Variants in ITGAX observed in about 807,000 individuals in gnomAD.
ITGAX encodes the protein integrin alpha-X.
Under a neutral mutation model 140.2 loss-of-function variants are expected in ITGAX, and 99 were observed. That is an observed-to-expected ratio of 0.71 (90% confidence interval 0.60 to 0.83). The LOEUF is 0.83. Among genes scored for constraint, ITGAX ranks in the 40% least tolerant of loss-of-function variants. The pLI is 0.00. For synonymous variants in ITGAX, 631 were observed against 600.4 expected (o/e 1.05, Z -0.75); for missense variants, 1,444 against 1,482.0 (o/e 0.97, Z 0.42).
At chr16:31,361,345 G>A in intron 9 of ITGAX, 132 bp downstream of exon 9, 4 of 1,056,678 alleles carry the variant, frequency 3.8e-6, no homozygotes, top group African/African-American at 1.6e-5. Context: ...CGATAGCCAT[G>A]TCTGTCAGCT....
chr16:31,367,157 T>C (rs930302067), intron 14 of ITGAX, among the ~76,000 whole-genome samples: 1 of 151,950 alleles, frequency 6.6e-6, no homozygotes, highest in African/African-American at 2.4e-5. Flanking sequence ...AGAAGAAAAA[T>C]TGGAAGTCAG....
chr16:31,368,014 G>T (rs1246506243), intron 14 of ITGAX, among the ~76,000 whole-genome samples: 14 of 152,162 alleles, frequency 9.2e-5, no homozygotes. Flanking sequence ...AGTGGCTCAA[G>T]GCTTCAGGGG....
chr16:31,380,317 A>G lies in ITGAX; in HGVS notation c.3112A>G (p.Ser1038Gly). ...LRFRCDVPSF[S>G]VQEELDFTLK... is the part of the protein sequence containing the mutation. ...GTTCCGCTGTGACGTCCCCTCCTTC[A>G]GCGTCCAGGAGGAGCTGGATTTCAC... The change falls in exon 27 of 30, where the codon AGC becomes GGC. Residue 1038 changes from serine to glycine, a missense_variant. Coordinates refer to ENST00000268296, the MANE Select transcript of ITGAX (RefSeq NM_000887.5). The G allele has an allele frequency of 1.2e-6, 2 of 1,614,190 alleles. No individual in the cohort carries two copies. Among genetic ancestry groups the G allele is most frequent in the East Asian group, 2.2e-5 (1 of 44,884 alleles).
intron 5 of ITGAX, chr16:31,357,692 T>C (rs928086858): frequency 6.9e-6 from 3 of 433,014 alleles, no homozygotes; most frequent in African/African-American, 2.0e-5. Flanking sequence ...GACAGCCCCA[T>C]GAAGGCCAGC....
At position 31,377,881 on chromosome 16, in the gene ITGAX, C is replaced by A. The variant is rs547361935; in HGVS notation, c.2789+616C>A. 7.2e-5 allele frequency among the ~76,000 whole-genome samples: 11 copies of A among 152,314 alleles called. No individual in the cohort carries two copies. In the South Asian group the frequency reaches 2.3e-3, roughly 32 times the overall value. On this transcript the variant is annotated intron_variant, in intron 23 of 29. Transcript: ENST00000268296. ...GGAGGATTGCTTGAGGCCAGGAGTT[C>A]AGGATCAGCCTGGGCAATATAGTGA...
At chr16:31,381,755 C>T (rs779089190) in intron 29 of ITGAX, 48 bp from the exon 30 acceptor site, 1 of 865,790 alleles carries the variant, frequency 1.2e-6, no homozygotes, top group Non-Finnish European at 2.0e-6. Context: ...CTTTTCCTCT[C>T]TTCCACTGAA....
Position 31,362,666 on chromosome 16 carries a change from C to T in ITGAX, c.1272C>T (p.Ala424=). 1.9e-6 allele frequency: 3 copies of T among 1,613,656 alleles called. No individual in the cohort carries two copies. The highest frequency in any genetic ancestry group is 3.4e-4 in the Middle Eastern group (2 of 5,930). The part of the protein sequence containing the change: ...WKGVQSLVLG[A]PRYQHTGKAV... ...GGGTGCAGAGCCTGGTCCTGGGGGC[C>T]CCCCGCTACCAGCACACCGGGAAGG... is the stretch of plus-strand genomic sequence containing the variant. The change falls in exon 12 of 30, where the codon GCC becomes GCT. Residue 424 remains alanine, a synonymous_variant. Transcript: ENST00000268296.
chr16:31,363,440 T>G, intron 14 of ITGAX, 66 bp downstream of exon 14: 2 of 1,557,338 alleles, frequency 1.3e-6, no homozygotes, highest in Non-Finnish European at 8.9e-7. Context: ...TCTGTCATAC[T>G]GGAAAACTGT....
rs181404376 is a variant in ITGAX at position 31,380,040 on chromosome 16, C to T, written c.3035C>T (p.Ala1012Val). The stretch of plus-strand genomic sequence containing the variant: ...GCACCCCCAGCATCTGACTTCCTGG[C>T]GCACATTCAGAAGAATCCCGTGCTG... ...KIAPPASDFL[A>V]HIQKNPVLDC... The change falls in exon 26 of 30, where the codon GCG becomes GTG. Residue 1012 changes from alanine to valine, a missense_variant. Transcript: ENST00000268296. 257 of 1,614,166 alleles carry T rather than the reference C, an allele frequency of 1.6e-4. 1 individual carries two copies. In the Admixed American group the frequency reaches 2.2e-3, roughly 14 times the overall value.
chr16:31,377,389 G>A (rs2081030677), intron 23 of ITGAX, 124 bp downstream of exon 23: 1 of 748,100 alleles, frequency 1.3e-6, no homozygotes, highest in Non-Finnish European at 2.2e-6. Context: ...AAAAGGTCAG[G>A]TGTTTCAGCA....
In ITGAX at chr16:31,359,794, A is replaced by G. The variant is rs552168067; in HGVS notation, c.525A>G (p.Arg175=). 1.2e-6 allele frequency: 2 copies of G among 1,614,124 alleles called. No homozygotes were observed. The highest frequency in any genetic ancestry group is 1.7e-6 in the Non-Finnish European group (2 of 1,180,028). The change falls in exon 6 of 30, where the codon AGA becomes AGG. Residue 175 remains arginine, a synonymous_variant. Transcript: ENST00000268296. ...TTGCCACGATGATGAACTTCGTGAG[A>G]GCTGTGATAAGCCAGTTCCAGAGAC... ...RNFATMMNFV[R]AVISQFQRPS... is the part of the protein sequence containing the mutation.
At chr16:31,368,117 G>C (rs895222525) in intron 14 of ITGAX, among the ~76,000 whole-genome samples, 2 of 151,620 alleles carry the variant, frequency 1.3e-5, no homozygotes, top group African/African-American at 4.9e-5. Flanking sequence ...GCACAGATGA[G>C]GACCTGCTTC....
At position 31,373,285 on chromosome 16, in the gene ITGAX, G is replaced by C; in HGVS notation, c.2403G>C (p.Leu801=). Residue 801 remains leucine (L), a synonymous_variant, in exon 20 of 30, where the codon CTG becomes CTC. Coordinates refer to ENST00000268296, the MANE Select transcript of ITGAX (RefSeq NM_000887.5). The part of the protein sequence containing the change: ...KSLLVGSNLE[L]NAEVMVWNDG... ...TGCTGGTGGGGAGTAACCTGGAGCT[G>C]AACGCAGAAGTGATGGTGTGGAATG... is the stretch of plus-strand genomic sequence containing the variant. 6.2e-7 allele frequency: 1 copy of C among 1,613,782 alleles called. No homozygotes were observed. The highest frequency in any genetic ancestry group is 8.5e-7 in the Non-Finnish European group (1 of 1,179,908).
intron 19 of ITGAX, among the ~76,000 whole-genome samples, chr16:31,372,915 AAACAACAAC>A (rs58659724): frequency 6.7e-6 from 1 of 149,650 alleles, no homozygotes; most frequent in South Asian, 2.1e-4. Flanking sequence ...CACAAAAACA[AAACAACAAC>A]AACAACAACA....
intron 20 of ITGAX, 49 bp from the exon 21 acceptor site, chr16:31,376,750 C>A: frequency 6.4e-7 from 1 of 1,561,360 alleles, no homozygotes; most frequent in South Asian, 1.1e-5. Flanking sequence ...GGGTTTTTGC[C>A]ATTGCTTTCA....
intron 5 of ITGAX, chr16:31,357,617 C>T (rs2080778169): frequency 1.9e-6 from 1 of 517,194 alleles, no homozygotes; most frequent in Non-Finnish European, 3.4e-6. Flanking sequence ...TAATAACACA[C>T]CCAGCACTGA....
At chr16:31,376,087 T>C (rs2081016657) in intron 20 of ITGAX, among the ~76,000 whole-genome samples, 1 of 152,254 alleles carries the variant, frequency 6.6e-6, no homozygotes. Context: ...GTGTTTGGAA[T>C]GTGCTTTAAA....
chr16:31,382,116 C>T lies in ITGAX; in HGVS notation c.*209C>T. The T allele has an allele frequency of 2.8e-6, 4 of 1,421,436 alleles. No homozygotes were observed. The highest frequency in any genetic ancestry group is 3.7e-6 in the Non-Finnish European group (4 of 1,093,826). 88.1% of individuals were successfully genotyped at this position (1,421,436 alleles called of 1,614,324 possible). ...GGAAACCCTTAGGACAGGGTCCCTG[C>T]TGTGTTCCCCAAAGGACTTGACTTG... is the stretch of plus-strand genomic sequence containing the variant. On this transcript the variant is annotated 3_prime_UTR_variant, in exon 30 of 30. Coordinates refer to ENST00000268296, the MANE Select transcript of ITGAX (RefSeq NM_000887.5).
chr16:31,360,231 A>G, intron 7 of ITGAX, 79 bp from the exon 8 acceptor site: 1 of 1,524,992 alleles, frequency 6.6e-7, no homozygotes, highest in Non-Finnish European at 8.8e-7. Context: ...AGGAAAAGGC[A>G]TCTTCTAATT....
Sources: gnomAD v4.1 joint callset for allele counts (sites outside exome capture counted in the v4.1 genomes callset) on GRCh38, gnomAD v4.1.1 for gene constraint, MANE v1.5 for transcripts, NCBI Gene and HGNC (gene_info 2026-07-23, HGNC 2026-07-21) for gene names.